KDELR2: variants seen among roughly 807,000 people sequenced by gnomAD.
The protein encoded by KDELR2 is ER lumen protein-retaining receptor 2.
Under a neutral mutation model 23.9 loss-of-function variants are expected in KDELR2, and 15 were observed. The ratio of observed to expected loss-of-function variants is 0.63; its 90% CI spans 0.42 to 0.97. The LOEUF (loss-of-function observed/expected upper bound fraction) is 0.97, where lower values mean the gene tolerates loss of function less well. KDELR2 is among the 50% of genes least tolerant of loss of function. The pLI, the probability that KDELR2 is intolerant of heterozygous loss-of-function variation, is 0.00. For missense variants in KDELR2, 272 were observed against 254.6 expected, an observed-to-expected ratio of 1.07 and a Z score of -0.46; for synonymous variants, 119 against 106.2, an observed-to-expected ratio of 1.12 and a Z score of -0.74.
intron 2 of KDELR2, among the ~76,000 whole-genome samples, chr7:6,473,249 A>C (rs1785690732): frequency 6.6e-6 from 1 of 151,722 alleles, no homozygotes; most frequent in Non-Finnish European, 1.5e-5. Context: ...ATAGGTTCGC[A>C]ACTCTTATAC....
At chr7:6,471,065 C>A (rs1467380309) in intron 2 of KDELR2, among the ~76,000 whole-genome samples, 1 of 147,822 alleles carries the variant, frequency 6.8e-6, no homozygotes, top group African/African-American at 2.5e-5. Context: ...TGCAGTGTGC[C>A]GAGATCTCGC....
At chr7:6,472,327 A>G (rs1286584835) in intron 2 of KDELR2, among the ~76,000 whole-genome samples, 2 of 152,116 alleles carry the variant, frequency 1.3e-5, no homozygotes, top group Non-Finnish European at 2.9e-5. Flanking sequence ...GCACCTGGAG[A>G]AGAACAGCTG....
chr7:6,473,336 G>A (rs954904559), intron 2 of KDELR2, among the ~76,000 whole-genome samples: 15 of 151,970 alleles, frequency 9.9e-5, no homozygotes, highest in Admixed American at 3.9e-4. Context: ...CACCAGCCTA[G>A]AGACTTCTGC....
intron 2 of KDELR2, among the ~76,000 whole-genome samples, chr7:6,472,897 C>CTTT (rs35369447): frequency 1.3e-4 from 14 of 111,206 alleles, no homozygotes; most frequent in South Asian, 3.0e-4. Flanking sequence ...AGCCCCTGTT[C>CTTT]TTTTTTTTTT....
intron 1 of KDELR2, among the ~76,000 whole-genome samples, chr7:6,480,870 C>T (rs925055766): frequency 4.6e-5 from 7 of 152,258 alleles, no homozygotes; most frequent in Middle Eastern, 3.4e-3. Flanking sequence ...GGGTGATTTA[C>T]TTAAAATCAG....
rs1785389220 is a variant in KDELR2 at position 6,461,534 on chromosome 7, C to T, written c.*1607G>A. 6.6e-6 allele frequency: 1 copy of T among 151,758 alleles called. No homozygotes were observed. 9.4% of individuals were successfully genotyped at this position (151,758 alleles called of 1,614,324 possible). ...CAGAAACTGAAGCAAGACTAGGATG[C>T]TGCAAAGAAAGATGCTCTGATACAC... On this transcript the variant is annotated 3_prime_UTR_variant, in exon 5 of 5. Transcript: ENST00000258739.
At chr7:6,475,981 AG>A (rs903790403) in intron 1 of KDELR2, among the ~76,000 whole-genome samples, 2 of 152,166 alleles carry the variant, frequency 1.3e-5, no homozygotes, top group African/African-American at 2.4e-5. Context: ...GCACAAGTAC[AG>A]CCCACTGCAC....
At chr7:6,477,037 G>C (rs528774729) in intron 1 of KDELR2, among the ~76,000 whole-genome samples, 3 of 152,292 alleles carry the variant, frequency 2.0e-5, no homozygotes, top group Non-Finnish European at 4.4e-5. Flanking sequence ...CATGTCATGG[G>C]GTCAAATTCT....
chr7:6,477,929 C>T (rs1195296362), intron 1 of KDELR2, among the ~76,000 whole-genome samples: 1 of 152,116 alleles, frequency 6.6e-6, no homozygotes, highest in African/African-American at 2.4e-5. Context: ...CATAATGTAT[C>T]AATTAAAAAA....
rs1308972676 is a variant in KDELR2 at position 6,484,030 on chromosome 7, G to A, written c.28C>T (p.Leu10=). The A allele has an allele frequency of 1.3e-6, 2 of 1,524,964 alleles. No homozygotes were observed. Among genetic ancestry groups the A allele is most frequent in the Non-Finnish European group, 1.8e-6 (2 of 1,133,710 alleles). 94.5% of individuals were successfully genotyped at this position (1,524,964 alleles called of 1,614,324 possible). ...ATGACGATGGCCGCCAGGTGGGACA[G>A]GTCCCCAGTCAGCCGGAAAATGTTC... MNIFRLTGD[L]SHLAAIVILL... Residue 10 remains leucine (L), a synonymous_variant, in exon 1 of 5, where the codon CTG becomes TTG. Coordinates refer to ENST00000258739, the MANE Select transcript of KDELR2 (RefSeq NM_006854.4).
intron 1 of KDELR2, among the ~76,000 whole-genome samples, chr7:6,476,994 A>G (rs1240944300): frequency 1.3e-5 from 2 of 152,208 alleles, no homozygotes; most frequent in Non-Finnish European, 2.9e-5. Flanking sequence ...GAATGAATAA[A>G]TGGACAAAAG....
chr7:6,481,039 A>T (rs1180348434), intron 1 of KDELR2, among the ~76,000 whole-genome samples: 1 of 152,142 alleles, frequency 6.6e-6, no homozygotes, highest in African/African-American at 2.4e-5. Context: ...TATTTTCCTT[A>T]TATGCTCCTG....
At chr7:6,483,608 C>A (rs1270151763) in intron 1 of KDELR2, among the ~76,000 whole-genome samples, 1 of 152,224 alleles carries the variant, frequency 6.6e-6, no homozygotes, top group East Asian at 1.9e-4. Flanking sequence ...CACGGGAGAT[C>A]CCGGCCGGAG....
At chr7:6,474,364 G>A in intron 1 of KDELR2, 80 bp from the exon 2 acceptor site, 5 of 961,776 alleles carry the variant, frequency 5.2e-6, no homozygotes, top group Non-Finnish European at 8.4e-6. Flanking sequence ...AGGGAGTGCA[G>A]ACAGGGAAGG....
intron 1 of KDELR2, among the ~76,000 whole-genome samples, chr7:6,475,249 A>G (rs748998074): frequency 6.6e-6 from 1 of 151,834 alleles, no homozygotes; most frequent in Non-Finnish European, 1.5e-5. Flanking sequence ...TTGAGACCAG[A>G]CTCCATCTCT....
intron 2 of KDELR2, among the ~76,000 whole-genome samples, chr7:6,471,101 A>G (rs1245869128): frequency 7.3e-6 from 1 of 136,230 alleles, no homozygotes; most frequent in Non-Finnish European, 1.5e-5. Context: ...TGGGTGACAG[A>G]CTGACTCTGT....
At chr7:6,482,486 C>A in intron 1 of KDELR2, 1 of 439,574 alleles carries the variant, frequency 2.3e-6, no homozygotes, top group Non-Finnish European at 4.8e-6. Flanking sequence ...AAGTCAAACA[C>A]ACTGGCACAT....
chr7:6,461,665 A>G lies in KDELR2; in HGVS notation c.*1476T>C, dbSNP rs1455072044. On this transcript the variant is annotated 3_prime_UTR_variant, in exon 5 of 5. Transcript: ENST00000258739. ...GATTTAGAAAGATGTTAAGACACAC[A>G]CTAGATACAAATGAAACCCATCCTG... The G allele has an allele frequency of 6.6e-6, 1 of 151,248 alleles. No homozygotes were observed. Among genetic ancestry groups the G allele is most frequent in the Non-Finnish European group, 1.5e-5 (1 of 67,938 alleles). 9.4% of individuals were successfully genotyped at this position (151,248 alleles called of 1,614,324 possible).
At chr7:6,478,359 G>A (rs1383456883) in intron 1 of KDELR2, among the ~76,000 whole-genome samples, 1 of 151,924 alleles carries the variant, frequency 6.6e-6, no homozygotes, top group East Asian at 1.9e-4. Flanking sequence ...TGTTGCCCAG[G>A]CTGGTCTCAA....
Sources: gnomAD v4.1 joint callset for allele counts (sites outside exome capture counted in the v4.1 genomes callset) on GRCh38, gnomAD v4.1.1 for gene constraint, MANE v1.5 for transcripts, NCBI Gene and HGNC (gene_info 2026-07-23, HGNC 2026-07-21) for gene names.